THSD7B: variants seen among roughly 807,000 people sequenced by gnomAD.
THSD7B encodes the protein thrombospondin type-1 domain-containing protein 7B.
THSD7B carries 138 observed loss-of-function variants against 213.6 expected under a neutral mutation model. The ratio of observed to expected loss-of-function variants is 0.65; its 90% CI spans 0.56 to 0.74. THSD7B has a LOEUF of 0.74. Ranked by LOEUF, THSD7B falls within the 30% of genes least tolerant of loss-of-function variation. The probability of loss-of-function intolerance (pLI) is 0.00; values close to 1 mark genes in which losing one functional copy is unlikely to be tolerated. For missense variants in THSD7B, 1,931 were observed against 1,991.5 expected (o/e 0.97, Z 0.58); for synonymous variants, 742 against 687.0 (o/e 1.08, Z -1.25).
intron 12 of THSD7B, among the ~76,000 whole-genome samples, chr2:137,280,893 T>G (rs1682992258): frequency 6.6e-6 from 1 of 152,132 alleles, no homozygotes; most frequent in Non-Finnish European, 1.5e-5. Context: ...CGATTTTTTG[T>G]TTTGCTATCC....
intron 15 of THSD7B, among the ~76,000 whole-genome samples, chr2:137,522,056 A>G (rs1680195316): frequency 6.6e-6 from 1 of 152,096 alleles, no homozygotes; most frequent in Non-Finnish European, 1.5e-5. Flanking sequence ...GAGATAAACT[A>G]CCCTTTCTTC....
chr2:136,888,814 CAG>C (rs1253245780), intron 2 of THSD7B, among the ~76,000 whole-genome samples: 1 of 152,060 alleles, frequency 6.6e-6, no homozygotes, highest in Non-Finnish European at 1.5e-5. Context: ...TCCCTGAGGA[CAG>C]GGCATTTTGC....
chr2:137,355,849 G>A (rs986726097), intron 12 of THSD7B, among the ~76,000 whole-genome samples: 6 of 152,180 alleles, frequency 3.9e-5, no homozygotes, highest in African/African-American at 1.4e-4. Context: ...GTGTAGAATT[G>A]TATTGACACA....
chr2:137,207,842 G>T (rs6710193), intron 7 of THSD7B, among the ~76,000 whole-genome samples: 1 of 151,856 alleles, frequency 6.6e-6, no homozygotes, highest in East Asian at 1.9e-4. Context: ...ATCACTGTCT[G>T]ATTTGTGCCA....
chr2:136,835,201 A>G (rs1245079832), intron 1 of THSD7B, among the ~76,000 whole-genome samples: 3 of 152,230 alleles, frequency 2.0e-5, no homozygotes, highest in Admixed American at 6.5e-5. Context: ...GACAGGTCAT[A>G]CAACAAAACA....
intron 20 of THSD7B, among the ~76,000 whole-genome samples, chr2:137,625,863 CT>C (rs1399939383): frequency 6.6e-6 from 1 of 152,246 alleles, no homozygotes; most frequent in Non-Finnish European, 1.5e-5. Flanking sequence ...GAGTCCCAAG[CT>C]TTCTGACACA....
At chr2:137,072,678 TGCCC>T (rs1687521785) in intron 3 of THSD7B, among the ~76,000 whole-genome samples, 1 of 152,208 alleles carries the variant, frequency 6.6e-6, no homozygotes, top group African/African-American at 2.4e-5. Context: ...CCCTGTCTTG[TGCCC>T]GTTTTCAAAG....
At chr2:137,663,297 A>T in intron 25 of THSD7B, 86 bp from the exon 26 acceptor site, 1 of 1,221,514 alleles carries the variant, frequency 8.2e-7, no homozygotes, top group Non-Finnish European at 1.1e-6. Flanking sequence ...GTATAGTGCA[A>T]ATATTAAGTG....
At chr2:137,638,356 G>A (rs1433681271) in intron 20 of THSD7B, among the ~76,000 whole-genome samples, 5 of 152,082 alleles carry the variant, frequency 3.3e-5, no homozygotes, top group African/African-American at 1.2e-4. Context: ...AGGGGTTTCC[G>A]CTTTTGCTTA....
At chr2:136,887,799 C>T (rs1247681144) in intron 2 of THSD7B, among the ~76,000 whole-genome samples, 2 of 152,048 alleles carry the variant, frequency 1.3e-5, no homozygotes, top group Admixed American at 1.3e-4. Flanking sequence ...ATAATACTAA[C>T]ACTAATACAG....
intron 10 of THSD7B, among the ~76,000 whole-genome samples, chr2:137,251,867 C>A (rs1252441851): frequency 6.6e-6 from 1 of 152,136 alleles, no homozygotes; most frequent in African/African-American, 2.4e-5. Context: ...TGGATGTAAC[C>A]ATAGACCAAC....
intron 4 of THSD7B, among the ~76,000 whole-genome samples, chr2:137,100,854 A>G (rs1314870846): frequency 6.6e-6 from 1 of 152,196 alleles, no homozygotes; most frequent in Non-Finnish European, 1.5e-5. Flanking sequence ...AGCTTGCCAC[A>G]GTTCCACAAT....
chr2:137,268,397 T>C lies in THSD7B; in HGVS notation c.2267-4136T>C, dbSNP rs1344683338. Among the ~76,000 whole-genome samples, 4 of 143,510 alleles carry C rather than the reference T, an allele frequency of 2.8e-5. No individual in the cohort carries two copies. In the Admixed American group the frequency reaches 3.0e-4, roughly 11 times the overall value. The allele number at this position is 143,510 out of a possible 152,430, so 94.1% of individuals were successfully genotyped here. A position where few individuals can be genotyped will look rare whatever the true frequency, so the allele number is the denominator to read the frequency against. ...CAATTCCCACCTATGAGTGAGAACA[T>C]GCAGTGTTTGGTTTTCTGTCCTTGT... On this transcript the variant is annotated intron_variant, in intron 10 of 27. Transcript: ENST00000409968.
At chr2:137,202,530 C>T (rs1011149735) in intron 7 of THSD7B, among the ~76,000 whole-genome samples, 2 of 152,144 alleles carry the variant, frequency 1.3e-5, no homozygotes, top group Non-Finnish European at 2.9e-5. Context: ...CAGGTTCTCC[C>T]AGGAGCAGCA....
At chr2:137,489,456 C>T (rs924989853) in intron 15 of THSD7B, among the ~76,000 whole-genome samples, 4 of 151,928 alleles carry the variant, frequency 2.6e-5, no homozygotes, top group Non-Finnish European at 4.4e-5. Flanking sequence ...AAAAATTAGC[C>T]TACCCAATCT....
chr2:137,528,669 T>A (rs1180569202), intron 15 of THSD7B, among the ~76,000 whole-genome samples: 1 of 152,094 alleles, frequency 6.6e-6, no homozygotes, highest in East Asian at 1.9e-4. Flanking sequence ...TTTTCAATAA[T>A]TCCCTTAGAT....
intron 26 of THSD7B, among the ~76,000 whole-genome samples, chr2:137,664,703 G>A (rs892637500): frequency 1.3e-5 from 2 of 152,196 alleles, no homozygotes; most frequent in African/African-American, 2.4e-5. Flanking sequence ...GCAAGTGACA[G>A]AGGAAGGTTT....
At chr2:137,064,701 T>C (rs1347664779) in intron 3 of THSD7B, among the ~76,000 whole-genome samples, 3 of 152,024 alleles carry the variant, frequency 2.0e-5, no homozygotes, top group African/African-American at 7.2e-5. Flanking sequence ...GACATAGGGG[T>C]CTAGTTTCAT....
At chr2:137,514,294 T>C (rs1030145526) in intron 15 of THSD7B, among the ~76,000 whole-genome samples, 1 of 152,110 alleles carries the variant, frequency 6.6e-6, no homozygotes, top group Non-Finnish European at 1.5e-5. Flanking sequence ...GTGGGCACCA[T>C]CTAATAAGCA....
Sources: gnomAD v4.1 joint callset for allele counts (sites outside exome capture counted in the v4.1 genomes callset) on GRCh38, gnomAD v4.1.1 for gene constraint, MANE v1.5 for transcripts, NCBI Gene and HGNC (gene_info 2026-07-23, HGNC 2026-07-21) for gene names.